Variants in CBL observed in about 807,000 individuals in gnomAD.
CBL encodes the protein Cbl proto-oncogene, also known as E3 ubiquitin-protein ligase CBL.
A neutral mutation model predicts 96.9 loss-of-function variants in CBL; 45 were observed. The ratio of observed to expected loss-of-function variants is 0.46; its 90% CI spans 0.37 to 0.60. CBL has a LOEUF of 0.60. CBL is among the 20% of genes least tolerant of loss of function. CBL has a pLI of 0.00. For missense variants in CBL, 1,024 were observed against 1,143.5 expected (o/e 0.90, Z 1.51); for synonymous variants, 420 against 426.8 (o/e 0.98, Z 0.20).
chr11:119,300,684 G>A lies in CBL; in HGVS notation c.*903G>A. On this transcript the variant is annotated 3_prime_UTR_variant, in exon 16 of 16. Transcript: ENST00000264033. ...TACATAATGACCGATTTGAGATAGA[G>A]GCCTTTAAATACATTCCATGCCCTC... is the stretch of plus-strand genomic sequence containing the variant. 2.5e-6 allele frequency: 1 copy of A among 397,838 alleles called. No individual in the cohort carries two copies. The highest frequency in any genetic ancestry group is 4.4e-6 in the Non-Finnish European group (1 of 225,780). 24.6% of individuals were successfully genotyped at this position (397,838 alleles called of 1,614,324 possible).
At chr11:119,265,569 A>C (rs1368709259) in intron 2 of CBL, among the ~76,000 whole-genome samples, 1 of 152,096 alleles carries the variant, frequency 6.6e-6, no homozygotes, top group Non-Finnish European at 1.5e-5. Context: ...TGGGCAATAT[A>C]GTGAGACCCC....
chr11:119,278,239 A>G lies in CBL; in HGVS notation c.1169A>G (p.Asp390Gly), dbSNP rs763058208. 6.2e-7 allele frequency: 1 copy of G among 1,613,262 alleles called. No homozygotes were observed. Among genetic ancestry groups the G allele is most frequent in the Admixed American group, 1.7e-5 (1 of 60,010 alleles). Reference sequence around the variant, plus strand: ...AAAATATGTGCTGAAAATGATAAGGATGTAAAGATTGAGCCCTGTGGACAC... The same window carrying G: ...AAAATATGTGCTGAAAATGATAAGGGTGTAAAGATTGAGCCCTGTGGACAC... ...LCKICAENDK[D>G]VKIEPCGHLM... Residue 390 changes from aspartate (D) to glycine (G), a missense_variant, in exon 8 of 16, where the codon GAT (aspartate) becomes GGT (glycine). Physicochemically the swap from Asp to Gly is moderately conservative, Grantham distance 94 (BLOSUM62 -1). This residue lies in a region of CBL where 695 missense variants were observed against 661.6 expected (regional missense o/e 1.05). Coordinates refer to ENST00000264033, the MANE Select transcript of CBL (RefSeq NM_005188.4).
At chr11:119,234,102 G>T (rs1288478860) in intron 2 of CBL, among the ~76,000 whole-genome samples, 1 of 152,180 alleles carries the variant, frequency 6.6e-6, no homozygotes, top group Non-Finnish European at 1.5e-5. Context: ...CGCCTCTTGG[G>T]TTCAAGTGAT....
chr11:119,247,500 G>C (rs1376642718), intron 2 of CBL, among the ~76,000 whole-genome samples: 1 of 152,176 alleles, frequency 6.6e-6, no homozygotes, highest in Non-Finnish European at 1.5e-5. Context: ...CAAAGTTGCA[G>C]GACACAAGAT....
chr11:119,265,437 AGTTAACT>A (rs1380999912), intron 2 of CBL, among the ~76,000 whole-genome samples: 1 of 152,232 alleles, frequency 6.6e-6, no homozygotes, highest in Non-Finnish European at 1.5e-5. Flanking sequence ...GGGTTTATAC[AGTTAACT>A]GTTCATTTAA....
intron 1 of CBL, among the ~76,000 whole-genome samples, chr11:119,214,242 C>CT (rs879705207): frequency 3.2e-3 from 459 of 142,114 alleles, no homozygotes; most frequent in African/African-American, 8.2e-3. Flanking sequence ...CCCGCCCGGA[C>CT]TTTTTTTTTT....
chr11:119,286,922 G>A (rs1178299784), intron 11 of CBL, among the ~76,000 whole-genome samples: 2 of 152,182 alleles, frequency 1.3e-5, no homozygotes, highest in African/African-American at 4.8e-5. Flanking sequence ...GAGAAAAATA[G>A]CCCAAAGAAG....
intron 11 of CBL, 28 bp downstream of exon 11, chr11:119,285,594 C>G (rs2135311136): frequency 5.6e-6 from 9 of 1,610,542 alleles, no homozygotes; most frequent in Non-Finnish European, 7.6e-6. Flanking sequence ...AACTATCTAA[C>G]CTGTTAAGAA....
intron 2 of CBL, among the ~76,000 whole-genome samples, chr11:119,269,588 G>C (rs945063768): frequency 6.6e-6 from 1 of 152,118 alleles, no homozygotes; most frequent in Non-Finnish European, 1.5e-5. Context: ...ATCCACGAAA[G>C]ACAAAGATAG....
At chr11:119,260,826 G>C (rs1441594955) in intron 2 of CBL, among the ~76,000 whole-genome samples, 1 of 150,522 alleles carries the variant, frequency 6.6e-6, no homozygotes, top group Non-Finnish European at 1.5e-5. Context: ...CTTCTACATT[G>C]CTATCATTTT....
chr11:119,262,659 G>A (rs1336088232), intron 2 of CBL, among the ~76,000 whole-genome samples: 2 of 152,196 alleles, frequency 1.3e-5, no homozygotes, highest in Admixed American at 1.3e-4. Flanking sequence ...GGGATAAAGT[G>A]TGTAAGAGAT....
intron 2 of CBL, among the ~76,000 whole-genome samples, chr11:119,240,757 C>G (rs1170229887): frequency 6.6e-6 from 1 of 152,108 alleles, no homozygotes; most frequent in Non-Finnish European, 1.5e-5. Context: ...AGGAGCCAGT[C>G]TCTTAAATCT....
At position 119,273,258 on chromosome 11, in the gene CBL, A is replaced by C. The variant is rs1043259308; in HGVS notation, c.591-610A>C. 2.6e-5 allele frequency among the ~76,000 whole-genome samples: 4 copies of C among 152,056 alleles called. No individual in the cohort carries two copies. In the East Asian group the frequency reaches 7.7e-4, roughly 29 times the overall value. Reference sequence around the variant, plus strand: ...AAGCGTGAGCCACTGTGTTAGGCCCAAGTTTCTCTTTAAAGGCCTTCATTT... The same window carrying C: ...AAGCGTGAGCCACTGTGTTAGGCCCCAGTTTCTCTTTAAAGGCCTTCATTT... On this transcript the variant is annotated intron_variant, in intron 3 of 15. Coordinates refer to ENST00000264033, the MANE Select transcript of CBL (RefSeq NM_005188.4).
chr11:119,262,259 T>C (rs143010003), intron 2 of CBL, among the ~76,000 whole-genome samples: 32 of 152,272 alleles, frequency 2.1e-4, no homozygotes, highest in African/African-American at 7.2e-4. Context: ...AAGGAAAGAC[T>C]AAGAAATGAT....
intron 6 of CBL, 133 bp from the exon 7 acceptor site, chr11:119,277,624 A>G (rs1466639003): frequency 1.5e-6 from 1 of 664,236 alleles, no homozygotes; most frequent in East Asian, 2.7e-5. Flanking sequence ...TTTTTTTTTG[A>G]AGTAAGATTG....
intron 1 of CBL, among the ~76,000 whole-genome samples, chr11:119,228,335 A>AT (rs1949474997): frequency 6.6e-6 from 1 of 151,962 alleles, no homozygotes; most frequent in South Asian, 2.1e-4. Flanking sequence ...CTGAATTTTA[A>AT]TTTTTTAGAA....
chr11:119,264,432 TCTTCTCTTCTTTCTCTTCTC>T (rs1410855324), intron 2 of CBL, among the ~76,000 whole-genome samples: 5 of 99,794 alleles, frequency 5.0e-5, no homozygotes, highest in Admixed American at 2.8e-4. Flanking sequence ...TCTTCTCTTC[TCTTCTCTTCTTTCTCTTCTC>T]TTCTCTTCTC....
intron 2 of CBL, among the ~76,000 whole-genome samples, chr11:119,251,753 A>G (rs1388129374): frequency 6.6e-6 from 1 of 152,188 alleles, no homozygotes; most frequent in Non-Finnish European, 1.5e-5. Flanking sequence ...TAACTTTTGT[A>G]AAACTACGGT....
chr11:119,300,823 T>C lies in CBL; in HGVS notation c.*1042T>C. ...GAAGAACATTTGTTTCCAGGATGACTTTCTGGCCAGAATACCGGAAAGCTT... is the reference window on the plus strand; with the variant it reads ...GAAGAACATTTGTTTCCAGGATGACCTTCTGGCCAGAATACCGGAAAGCTT... On this transcript the variant is annotated 3_prime_UTR_variant, in exon 16 of 16. Transcript: ENST00000264033. 2.8e-6 allele frequency: 1 copy of C among 359,854 alleles called. No individual in the cohort carries two copies. The highest frequency in any genetic ancestry group is 1.5e-4 in the South Asian group (1 of 6,674). The allele number at this position is 359,854 out of a possible 1,614,324, so 22.3% of individuals were successfully genotyped here.
Sources: gnomAD v4.1 joint callset for allele counts (sites outside exome capture counted in the v4.1 genomes callset) on GRCh38, gnomAD v4.1.1 for gene constraint, gnomAD v4.1.1 regional missense constraint, MANE v1.5 for transcripts, NCBI Gene and HGNC (gene_info 2026-07-23, HGNC 2026-07-21) for gene names.